Variants in ASTN1 observed in about 807,000 individuals in gnomAD.
ASTN1 encodes astrotactin 1, also known as astrotactin-1.
A neutral mutation model predicts 140.7 loss-of-function variants in ASTN1; 41 were observed. That is an observed-to-expected ratio of 0.29 (90% CI 0.23 to 0.38). The LOEUF (loss-of-function observed/expected upper bound fraction) is 0.38, where lower values mean the gene tolerates loss of function less well. Among genes scored for constraint, ASTN1 ranks in the 10% least tolerant of loss-of-function variants. ASTN1 has a pLI of 1.00. For missense variants in ASTN1, 1,479 were observed against 1,678.8 expected (o/e 0.88, Z 2.08); for synonymous variants, 640 against 652.2 (o/e 0.98, Z 0.29).
rs527267465 is a variant in ASTN1 at position 177,162,692 on chromosome 1, G to T, written c.283+1702C>A. 2.1e-4 allele frequency among the ~76,000 whole-genome samples: 32 copies of T among 152,258 alleles called. 1 individual carries two copies. The highest frequency in any genetic ancestry group is 2.0e-3 in the Admixed American group (31 of 15,298). ...GCACAGTAAACACTACAAGCAGAGT[G>T]CAAAACAGCCTCTTTAGAAACACAT... On this transcript the variant is annotated intron_variant, in intron 1 of 22. Coordinates refer to ENST00000361833, the MANE Select transcript of ASTN1 (RefSeq NM_004319.3).
At chr1:177,107,654 G>A (rs7516985) in intron 1 of ASTN1, among the ~76,000 whole-genome samples, 58,818 of 152,024 alleles carry the variant, frequency 0.39, 12,932 homozygotes, top group Middle Eastern at 0.52. Flanking sequence ...CTCTCCCCCA[G>A]ACAGCCCTCA....
chr1:177,131,922 A>G (rs915322766), intron 1 of ASTN1, among the ~76,000 whole-genome samples: 3 of 152,136 alleles, frequency 2.0e-5, no homozygotes, highest in African/African-American at 7.2e-5. Flanking sequence ...GTGGGAACTA[A>G]TAAGGTGAGA....
At chr1:177,107,756 C>A (rs1680620932) in intron 1 of ASTN1, among the ~76,000 whole-genome samples, 1 of 152,172 alleles carries the variant, frequency 6.6e-6, no homozygotes, top group South Asian at 2.1e-4. Flanking sequence ...CTGTATACTG[C>A]ACTATTCCTT....
chr1:176,943,486 G>A lies in ASTN1; in HGVS notation c.2377+405C>T, dbSNP rs538099012. On this transcript the variant is annotated intron_variant, in intron 14 of 22. Transcript: ENST00000361833. ...CAAAACTGTCATTTTCTATTTCCTC[G>A]TGATGCTTGGTAAATACTTGCCAGG... Among the ~76,000 whole-genome samples, 20 of 152,152 alleles carry A rather than the reference G, an allele frequency of 1.3e-4. No individual in the cohort carries two copies. In the South Asian group the frequency reaches 3.9e-3, roughly 30 times the overall value.
Position 176,894,642 on chromosome 1 carries a change from T to C in ASTN1, c.2860A>G (p.Thr954Ala), listed in dbSNP as rs771711925. Residue 954 changes from threonine (T) to alanine (A), a missense_variant, in exon 17 of 23, where the codon ACC becomes GCC. Physicochemically the swap from Thr to Ala is moderately conservative, Grantham distance 58. Transcript: ENST00000361833. ...PLCHVTSSPD[T>A]PAEPVLLEVT... ...TCCAGCAGAACCGGCTCAGCAGGGG[T>C]GTCAGGGCTGGATGTCACATGACAC... is the stretch of plus-strand genomic sequence containing the variant. 4 of 1,613,758 alleles carry C rather than the reference T, an allele frequency of 2.5e-6. No homozygotes were observed. In the East Asian group the frequency reaches 8.9e-5, roughly 36 times the overall value.
chr1:176,900,026 T>A (rs1669697521), intron 16 of ASTN1, among the ~76,000 whole-genome samples: 1 of 152,216 alleles, frequency 6.6e-6, no homozygotes. Flanking sequence ...TAGTTCTACA[T>A]ATCTATCTCC....
chr1:176,991,436 CAA>C (rs1173420812), intron 8 of ASTN1, among the ~76,000 whole-genome samples: 17 of 13,848 alleles, frequency 1.2e-3, no homozygotes, highest in Admixed American at 6.6e-3. Flanking sequence ...AAAAAAAAAC[CAA>C]AAAAAAAAAA....
intron 19 of ASTN1, among the ~76,000 whole-genome samples, chr1:176,883,542 T>C (rs576743056): frequency 6.6e-6 from 1 of 152,334 alleles, no homozygotes. Flanking sequence ...GATAGCATTC[T>C]GGTCAGTGGT....
intron 8 of ASTN1, among the ~76,000 whole-genome samples, chr1:176,996,170 G>A (rs1674429257): frequency 6.6e-6 from 1 of 152,088 alleles, no homozygotes; most frequent in South Asian, 2.1e-4. Flanking sequence ...TAGCCACAGA[G>A]CTTCAAAGGG....
intron 1 of ASTN1, among the ~76,000 whole-genome samples, chr1:177,132,901 G>A (rs1010229826): frequency 1.3e-5 from 2 of 152,126 alleles, no homozygotes; most frequent in African/African-American, 4.8e-5. Context: ...AGTGAGAAGG[G>A]GGTAAAAACA....
intron 9 of ASTN1, among the ~76,000 whole-genome samples, chr1:176,962,734 G>A (rs139274421): frequency 1.9e-3 from 287 of 152,212 alleles, no homozygotes; most frequent in African/African-American, 6.6e-3. Context: ...TCATGCCCTC[G>A]CCACACCTTC....
intron 1 of ASTN1, among the ~76,000 whole-genome samples, chr1:177,149,269 C>G (rs146733432): frequency 0.24 from 16,220 of 67,154 alleles, 2,356 homozygotes; most frequent in East Asian, 0.39. Flanking sequence ...TATATATATA[C>G]TATATATAGT....
intron 2 of ASTN1, among the ~76,000 whole-genome samples, chr1:177,037,632 A>T (rs1365209912): frequency 6.6e-6 from 1 of 152,258 alleles, no homozygotes; most frequent in Non-Finnish European, 1.5e-5. Context: ...AACAAGTTGT[A>T]AACTCTGAAC....
chr1:176,860,701 C>T (rs1008853448), downstream of ASTN1, among the ~76,000 whole-genome samples: 3 of 152,198 alleles, frequency 2.0e-5, no homozygotes, highest in African/African-American at 7.2e-5. Flanking sequence ...CCTCCTCACC[C>T]TTGTGGTGAC....
rs139730452 is a variant in ASTN1 at position 176,905,940 on chromosome 1, G to T, written c.2672-11110C>A. Among the ~76,000 whole-genome samples, 184 of 152,334 alleles carry T rather than the reference G, an allele frequency of 1.2e-3. 1 individual carries two copies. The highest frequency in any genetic ancestry group is 4.3e-3 in the African/African-American group (179 of 41,580). ...CATTCGCAAATGGTACAGACAGCTG[G>T]ACATGGGAGGAAACAAAGGGGACAA... On this transcript the variant is annotated intron_variant, in intron 16 of 22. Transcript: ENST00000361833.
At chr1:177,067,945 A>G (rs763783987) in intron 1 of ASTN1, among the ~76,000 whole-genome samples, 23 of 152,118 alleles carry the variant, frequency 1.5e-4, no homozygotes, top group Non-Finnish European at 3.2e-4. Flanking sequence ...CATAGGGACC[A>G]TCTGGTACGG....
At chr1:177,135,484 G>A (rs1682149702) in intron 1 of ASTN1, among the ~76,000 whole-genome samples, 1 of 152,044 alleles carries the variant, frequency 6.6e-6, no homozygotes, top group South Asian at 2.1e-4. Flanking sequence ...TGGAGGAAAC[G>A]ACAGCCCCAG....
At chr1:177,149,109 T>TAAAC (rs1558130383) in intron 1 of ASTN1, among the ~76,000 whole-genome samples, 7 of 132,896 alleles carry the variant, frequency 5.3e-5, no homozygotes, top group Admixed American at 2.5e-4. Flanking sequence ...ATATATATAG[T>TAAAC]GTATATATAG....
intron 16 of ASTN1, among the ~76,000 whole-genome samples, chr1:176,918,670 G>A (rs1670596761): frequency 6.6e-6 from 1 of 152,070 alleles, no homozygotes; most frequent in African/African-American, 2.4e-5. Flanking sequence ...CCATTGCCCA[G>A]ATTACTGCTT....
Sources: allele counts gnomAD v4.1 joint callset (sites outside exome capture counted in the v4.1 genomes callset), GRCh38; gene constraint gnomAD v4.1.1; transcripts MANE v1.5; gene names NCBI Gene and HGNC (gene_info 2026-07-23, HGNC 2026-07-21).